Variants in PARD3B observed in about 807,000 individuals in gnomAD.
The protein encoded by PARD3B is partitioning defective 3 homolog B.
A neutral mutation model predicts 130.2 loss-of-function variants in PARD3B; 103 were observed. The ratio of observed to expected loss-of-function variants is 0.79; its 90% CI spans 0.67 to 0.93. The LOEUF is 0.93. Ranked by LOEUF, PARD3B falls within the 40% of genes least tolerant of loss-of-function variation. PARD3B has a pLI of 0.00. For synonymous variants in PARD3B, 583 were observed against 553.2 expected (o/e 1.05, Z -0.76); for missense variants, 1,609 against 1,499.2 (o/e 1.07, Z -1.21).
intron 18 of PARD3B, among the ~76,000 whole-genome samples, chr2:205,357,413 A>T (rs954503854): frequency 3.3e-5 from 5 of 152,192 alleles, no homozygotes; most frequent in African/African-American, 1.2e-4. Context: ...TGGCTTAGAA[A>T]CATTAAGAAC....
chr2:205,518,570 C>T (rs988687219), intron 21 of PARD3B, among the ~76,000 whole-genome samples: 1 of 152,070 alleles, frequency 6.6e-6, no homozygotes, highest in Non-Finnish European at 1.5e-5. Context: ...AGGCATTTAG[C>T]CTGTTTACAT....
intron 2 of PARD3B, among the ~76,000 whole-genome samples, chr2:204,744,204 G>C (rs552943910): frequency 1.1e-4 from 17 of 152,242 alleles, no homozygotes; most frequent in African/African-American, 3.1e-4. Flanking sequence ...GTACCAGAGA[G>C]TCATTCAGAT....
intron 19 of PARD3B, among the ~76,000 whole-genome samples, chr2:205,433,569 A>C (rs1344000300): frequency 6.6e-6 from 1 of 150,482 alleles, no homozygotes; most frequent in Non-Finnish European, 1.5e-5. Flanking sequence ...ATTGAGGTAT[A>C]ATTTACATAA....
In PARD3B at chr2:204,581,196, T is replaced by G. The variant is rs1265058514; in HGVS notation, c.120+35077T>G. Among the ~76,000 whole-genome samples, 5 of 152,226 alleles carry G rather than the reference T, an allele frequency of 3.3e-5. No individual in the cohort carries two copies. The East Asian group carries it at 9.6e-4, about 29-fold the overall frequency. On this transcript the variant is annotated intron_variant, in intron 1 of 22. Transcript: ENST00000406610. The stretch of plus-strand genomic sequence containing the variant: ...TTTGGAGGAACAGAAAATTGCTTCT[T>G]GTTAGTTCTCTGAGCACTGCAGTTA...
intron 15 of PARD3B, among the ~76,000 whole-genome samples, chr2:205,204,378 A>G (rs2037165594): frequency 1.3e-5 from 2 of 152,170 alleles, no homozygotes; most frequent in Admixed American, 1.3e-4. Flanking sequence ...GATTGCAAAA[A>G]TTTGTTCCCA....
At chr2:204,575,826 G>C in intron 1 of PARD3B, among the ~76,000 whole-genome samples, 1 of 152,208 alleles carries the variant, frequency 6.6e-6, no homozygotes, top group South Asian at 2.1e-4. Context: ...GCTTTGTTCA[G>C]TAGAATCAGT....
chr2:205,302,699 G>A lies in PARD3B; in HGVS notation c.2630+998G>A, dbSNP rs180823118. 1.4e-3 allele frequency among the ~76,000 whole-genome samples: 211 copies of A among 152,212 alleles called. 1 individual carries two copies. The highest frequency in any genetic ancestry group is 4.6e-3 in the African/African-American group (193 of 41,534). On this transcript the variant is annotated intron_variant, in intron 18 of 22. Transcript: ENST00000406610. ...CTGTGACTCTAGGTGTGCAGTGGCC[G>A]GGCCTCTGGGCACATCACTTGTCAC... is the stretch of plus-strand genomic sequence containing the variant.
chr2:204,694,963 T>C (rs1383716801), intron 2 of PARD3B, among the ~76,000 whole-genome samples: 1 of 152,082 alleles, frequency 6.6e-6, no homozygotes, highest in Non-Finnish European at 1.5e-5. Context: ...TTAATTTAGC[T>C]AAGCATTTGA....
rs372622068 is a variant in PARD3B at position 204,750,643 on chromosome 2, T to C, written c.222+64361T>C. ...ATACATACATACATACACACACACA[T>C]ACATACATACATAAAAGGAAATATT... On this transcript the variant is annotated intron_variant, in intron 2 of 22. Transcript: ENST00000406610. Among the ~76,000 whole-genome samples the C allele has an allele frequency of 5.3e-3, 795 of 149,158 alleles. 2 individuals are homozygous for C. The highest frequency in any genetic ancestry group is 8.4e-3 in the Non-Finnish European group (568 of 67,364).
intron 21 of PARD3B, among the ~76,000 whole-genome samples, chr2:205,518,506 T>TGTCA (rs981411527): frequency 1.2e-4 from 18 of 152,138 alleles, no homozygotes; most frequent in Non-Finnish European, 2.5e-4. Context: ...TGAAGACAGC[T>TGTCA]GTCATTCGGT....
In PARD3B at chr2:204,811,838, G is replaced by C. The variant is rs567645340; in HGVS notation, c.222+125556G>C. 1.8e-4 allele frequency among the ~76,000 whole-genome samples: 28 copies of C among 151,832 alleles called. 1 individual carries two copies. In the South Asian group the frequency reaches 5.8e-3, roughly 31 times the overall value. ...AAAAAACAAAAAACAAAAAACTAAT[G>C]TTTGCATAAACCTTTTCTCCTTCAT... On this transcript the variant is annotated intron_variant, in intron 2 of 22. Coordinates refer to ENST00000406610, the MANE Select transcript of PARD3B (RefSeq NM_001302769.2).
intron 18 of PARD3B, among the ~76,000 whole-genome samples, chr2:205,313,908 A>G (rs78254496): frequency 6.6e-6 from 1 of 152,344 alleles, no homozygotes; most frequent in African/African-American, 2.4e-5. Context: ...ATGCTTATTT[A>G]AGATGCTGGA....
At chr2:204,605,141 C>G (rs774082831) in intron 1 of PARD3B, among the ~76,000 whole-genome samples, 13 of 152,146 alleles carry the variant, frequency 8.5e-5, no homozygotes, top group South Asian at 2.1e-4. Context: ...TTCTTGTGAC[C>G]TGGTGTCAGA....
intron 1 of PARD3B, among the ~76,000 whole-genome samples, chr2:204,568,173 C>T (rs1261294274): frequency 6.6e-6 from 1 of 152,136 alleles, no homozygotes; most frequent in Non-Finnish European, 1.5e-5. Context: ...TAGACCATAC[C>T]TGAAGAACTG....
At chr2:204,804,435 G>T (rs539539488) in intron 2 of PARD3B, among the ~76,000 whole-genome samples, 234 of 152,264 alleles carry the variant, frequency 1.5e-3, no homozygotes, top group Non-Finnish European at 2.7e-3. Context: ...GATCAATTCA[G>T]CAAGAGGATA....
At chr2:205,333,064 T>TG in intron 18 of PARD3B, among the ~76,000 whole-genome samples, 1 of 152,198 alleles carries the variant, frequency 6.6e-6, no homozygotes, top group South Asian at 2.1e-4. Context: ...GTTTGTAAAG[T>TG]AAAACAAAAC....
chr2:204,866,361 T>A (rs1472491032), intron 2 of PARD3B, among the ~76,000 whole-genome samples: 1 of 152,136 alleles, frequency 6.6e-6, no homozygotes, highest in Non-Finnish European at 1.5e-5. Flanking sequence ...AATGAAACAC[T>A]AAAATAGGGA....
chr2:204,821,904 A>T (rs116680115), intron 2 of PARD3B, among the ~76,000 whole-genome samples: 2,106 of 152,088 alleles, frequency 0.014, 21 homozygotes, highest in African/African-American at 0.027. Flanking sequence ...TGTCTTTATC[A>T]GCAGCGTGAA....
At chr2:204,648,012 T>A (rs185359706) in intron 1 of PARD3B, among the ~76,000 whole-genome samples, 77 of 151,716 alleles carry the variant, frequency 5.1e-4, no homozygotes, top group East Asian at 1.4e-3. Context: ...TTTGTGTATA[T>A]TTGGAGAAGG....
Sources: allele counts gnomAD v4.1 joint callset (sites outside exome capture counted in the v4.1 genomes callset), GRCh38; gene constraint gnomAD v4.1.1; transcripts MANE v1.5; gene names NCBI Gene and HGNC (gene_info 2026-07-23, HGNC 2026-07-21).